Variants in RPH3A observed in about 807,000 individuals in gnomAD.
The protein encoded by RPH3A is rabphilin-3A.
RPH3A carries 48 observed loss-of-function variants against 102.2 expected under a neutral mutation model. That is an observed-to-expected ratio of 0.47 (90% CI 0.37 to 0.60). The LOEUF is 0.60. Among genes scored for constraint, RPH3A ranks in the 20% least tolerant of loss-of-function variants. RPH3A has a pLI of 0.00. For missense variants in RPH3A, 781 were observed against 910.1 expected (o/e 0.86, Z 1.83); for synonymous variants, 310 against 324.3 (o/e 0.96, Z 0.47).
At chr12:112,774,905 GGC>G (rs1274392599) in intron 1 of RPH3A, among the ~76,000 whole-genome samples, 1 of 152,078 alleles carries the variant, frequency 6.6e-6, no homozygotes, top group Non-Finnish European at 1.5e-5. Flanking sequence ...AAACCAGCAT[GGC>G]ACATGTTTAC....
At chr12:112,592,736 T>C (rs1002875797) in intron 1 of RPH3A, among the ~76,000 whole-genome samples, 6 of 152,212 alleles carry the variant, frequency 3.9e-5, no homozygotes, top group Non-Finnish European at 7.3e-5. Context: ...GACTTGAGTG[T>C]GTGTCTCCTC....
intron 1 of RPH3A, among the ~76,000 whole-genome samples, chr12:112,719,013 G>C (rs1311938884): frequency 1.3e-5 from 2 of 152,168 alleles, no homozygotes; most frequent in Non-Finnish European, 2.9e-5. Context: ...GTAATGCTCT[G>C]TCAAGTGGTT....
chr12:112,872,003 T>C (rs1384537948), intron 10 of RPH3A, among the ~76,000 whole-genome samples: 3 of 152,054 alleles, frequency 2.0e-5, no homozygotes, highest in African/African-American at 7.2e-5. Context: ...AATGATGTCA[T>C]TGTGCGCCTG....
intron 1 of RPH3A, among the ~76,000 whole-genome samples, chr12:112,609,267 T>C (rs1287022296): frequency 6.6e-6 from 1 of 152,184 alleles, no homozygotes; most frequent in Non-Finnish European, 1.5e-5. Flanking sequence ...GGGGTTTAGC[T>C]ATGTTGCCAA....
chr12:112,695,096 G>T (rs74647838), intron 1 of RPH3A: 1 of 170,344 alleles, frequency 5.9e-6, no homozygotes, highest in Non-Finnish European at 1.5e-5. Flanking sequence ...GCATAAGTAT[G>T]TCCCAAATAT....
rs1162176101 is a variant in RPH3A, at chr12:112,634,353, CA to C, written c.-140+59044del. On this transcript the variant is annotated intron_variant, in intron 1 of 21. Coordinates refer to the RPH3A transcript ENST00000543106. ...ACAGAGCGAGACTCCGTCTCAAAAA[CA>C]AAAAAAAAACAAAACAAAAAAACAA... Among the ~76,000 whole-genome samples the C allele has an allele frequency of 4.6e-4, 9 of 19,772 alleles. 2 individuals are homozygous for C. The highest frequency in any genetic ancestry group is 2.8e-3 in the East Asian group (1 of 356). The allele number at this position is 19,772 out of a possible 152,430, so 13.0% of individuals were successfully genotyped here. A position where few individuals can be genotyped will look rare whatever the true frequency, so the allele number is the denominator to read the frequency against.
intron 1 of RPH3A, among the ~76,000 whole-genome samples, chr12:112,716,376 A>T (rs1056434217): frequency 1.3e-5 from 2 of 152,218 alleles, no homozygotes; most frequent in South Asian, 2.1e-4. Context: ...GGAGCAGAAC[A>T]GTATGTTCAG....
chr12:112,676,003 G>A (rs913633942), intron 1 of RPH3A, among the ~76,000 whole-genome samples: 1 of 152,182 alleles, frequency 6.6e-6, no homozygotes, highest in Non-Finnish European at 1.5e-5. Context: ...ATCTCCTGGT[G>A]GAAGCTGGAG....
At chr12:112,594,304 C>T (rs1196641919) in intron 1 of RPH3A, among the ~76,000 whole-genome samples, 3 of 152,110 alleles carry the variant, frequency 2.0e-5, no homozygotes, top group Non-Finnish European at 4.4e-5. Context: ...CCTCTTATTC[C>T]GTCTATATTC....
intron 1 of RPH3A, among the ~76,000 whole-genome samples, chr12:112,760,169 C>T (rs2040846512): frequency 6.6e-6 from 1 of 152,130 alleles, no homozygotes; most frequent in African/African-American, 2.4e-5. Flanking sequence ...CATTACCTCC[C>T]CACTGACCAC....
intron 1 of RPH3A, among the ~76,000 whole-genome samples, chr12:112,717,312 A>G (rs543968969): frequency 2.0e-5 from 3 of 152,218 alleles, no homozygotes; most frequent in East Asian, 3.9e-4. Context: ...CATGCTGCCT[A>G]TTCTCCTACC....
intron 5 of RPH3A, among the ~76,000 whole-genome samples, chr12:112,862,237 C>G (rs80336433): frequency 0.021 from 3,097 of 148,738 alleles, 132 homozygotes; most frequent in African/African-American, 0.071. Flanking sequence ...GAGACTCAGT[C>G]CCCCCCCCAA....
chr12:112,865,389 T>C, intron 5 of RPH3A, 25 bp from the exon 6 acceptor site: 1 of 1,612,060 alleles, frequency 6.2e-7, no homozygotes, highest in South Asian at 1.1e-5. Flanking sequence ...TACAAGGTCC[T>C]TATTTACCTT....
intron 1 of RPH3A, among the ~76,000 whole-genome samples, chr12:112,746,685 G>C (rs980274277): frequency 3.5e-4 from 54 of 152,148 alleles, no homozygotes; most frequent in Non-Finnish European, 7.2e-4. Context: ...AGAGGAAGGT[G>C]GCTCTGCAAG....
chr12:112,873,768 G>T (rs555524822), intron 10 of RPH3A: 2 of 152,208 alleles, frequency 1.3e-5, no homozygotes, highest in African/African-American at 4.8e-5. Flanking sequence ...TCCATGAGGC[G>T]ATGTTCAAGG....
chr12:112,856,885 A>C (rs1374589380), intron 5 of RPH3A, among the ~76,000 whole-genome samples: 1 of 152,196 alleles, frequency 6.6e-6, no homozygotes, highest in African/African-American at 2.4e-5. Context: ...CAGATAAAGA[A>C]ATTGAAGCTC....
chr12:112,800,661 T>G (rs1263609824), intron 2 of RPH3A, among the ~76,000 whole-genome samples: 1 of 151,456 alleles, frequency 6.6e-6, no homozygotes, highest in East Asian at 1.9e-4. Flanking sequence ...GAGAAGAAGG[T>G]GGTGACATTT....
chr12:112,651,172 C>T (rs1239418699), intron 1 of RPH3A, among the ~76,000 whole-genome samples: 1 of 151,890 alleles, frequency 6.6e-6, no homozygotes, highest in African/African-American at 2.4e-5. Context: ...CCAGCCTGGG[C>T]AACATGGCGA....
At chr12:112,737,540 T>C (rs558843032) in intron 1 of RPH3A, among the ~76,000 whole-genome samples, 1 of 152,308 alleles carries the variant, frequency 6.6e-6, no homozygotes, top group East Asian at 1.9e-4. Context: ...ACTGTTTGGA[T>C]AGCATAGACA....
Sources: gnomAD v4.1 joint callset for allele counts (sites outside exome capture counted in the v4.1 genomes callset) on GRCh38, gnomAD v4.1.1 for gene constraint, MANE v1.5 for transcripts, NCBI Gene and HGNC (gene_info 2026-07-23, HGNC 2026-07-21) for gene names.